Variants in NTM observed in about 807,000 individuals in gnomAD.
NTM encodes the protein IgLON family member 2.
A neutral mutation model predicts 42.1 loss-of-function variants in NTM; 13 were observed. The observed-to-expected ratio is 0.31, with a 90% confidence interval of 0.20 to 0.49. The LOEUF (loss-of-function observed/expected upper bound fraction) is 0.49. NTM is among the 20% of genes least tolerant of loss of function. The pLI is 0.99. For missense variants in NTM, 373 were observed against 452.8 expected (o/e 0.82, Z 1.60); for synonymous variants, 187 against 179.2 (o/e 1.04, Z -0.35).
At chr11:132,086,394 A>AT (rs1566122138) in intron 2 of NTM, among the ~76,000 whole-genome samples, 1 of 152,048 alleles carries the variant, frequency 6.6e-6, no homozygotes, top group Non-Finnish European at 1.5e-5. Context: ...GGAAAAAAAA[A>AT]CTTTTCTCCA....
chr11:131,921,220 T>A (rs980480552), intron 2 of NTM, among the ~76,000 whole-genome samples: 7 of 152,168 alleles, frequency 4.6e-5, no homozygotes, highest in African/African-American at 1.7e-4. Context: ...TTGCTACAGA[T>A]GTAATTAGCT....
At chr11:131,930,784 G>T (rs1400420881) in intron 2 of NTM, among the ~76,000 whole-genome samples, 1 of 152,126 alleles carries the variant, frequency 6.6e-6, no homozygotes, top group African/African-American at 2.4e-5. Context: ...CAAATAGAAA[G>T]AAATTTTATG....
chr11:132,111,063 CAAAAAAAAAAAAAAAAAAAAAAAAAAA>C (rs57458373), intron 2 of NTM, among the ~76,000 whole-genome samples: 1,080 of 35,460 alleles, frequency 0.03, 17 homozygotes, highest in Non-Finnish European at 0.04. Flanking sequence ...GGCCCTATCT[CAAAAAAAAAAAAAAAAAAAAAAAAAAA>C]AAAAAAAAAA....
intron 1 of NTM, among the ~76,000 whole-genome samples, chr11:131,777,994 T>C (rs951089172): frequency 1.3e-5 from 2 of 152,220 alleles, no homozygotes; most frequent in African/African-American, 4.8e-5. Context: ...GGAAAGTAAC[T>C]ATCCCAAGGG....
At chr11:132,181,511 G>T (rs923552097) in intron 3 of NTM, among the ~76,000 whole-genome samples, 4 of 152,126 alleles carry the variant, frequency 2.6e-5, no homozygotes, top group Non-Finnish European at 5.9e-5. Flanking sequence ...CCAGGTTTTT[G>T]GTTTCAATCA....
intron 2 of NTM, among the ~76,000 whole-genome samples, chr11:131,915,049 A>T (rs1380275685): frequency 6.6e-6 from 1 of 152,220 alleles, no homozygotes; most frequent in Non-Finnish European, 1.5e-5. Context: ...CGTTAATAAG[A>T]TACATAGTAC....
At position 132,206,039 on chromosome 11, in the gene NTM, C is replaced by T. The variant is rs115416590; in HGVS notation, c.401-5983C>T. ...GTTGTCCTCCTAGCAACCATTTGTG[C>T]ATTTTTCCTGGGCATGGCTCTCCAA... is the stretch of plus-strand genomic sequence containing the variant. On this transcript the variant is annotated intron_variant, in intron 3 of 8. Coordinates refer to ENST00000683400, the MANE Select transcript of NTM (RefSeq NM_001352005.2). Among the ~76,000 whole-genome samples the T allele has an allele frequency of 7.7e-3, 1,176 of 152,194 alleles. 10 individuals are homozygous for T. The highest frequency in any genetic ancestry group is 0.026 in the African/African-American group (1,084 of 41,512).
chr11:131,648,042 G>A lies in NTM; in HGVS notation c.83-263522G>A, dbSNP rs1323723985. On this transcript the variant is annotated intron_variant, in intron 1 of 8. Transcript: ENST00000683400. ...TCTCCTGATAGGTCCCAGTGTCTGT[G>A]GTTCCCTTCTTTGTGTCCATGTGTT... 6.6e-5 allele frequency among the ~76,000 whole-genome samples: 10 copies of A among 152,066 alleles called. 1 individual carries two copies. The highest frequency in any genetic ancestry group is 6.6e-4 in the Admixed American group (10 of 15,264).
chr11:131,789,772 C>A lies in NTM; in HGVS notation c.83-121792C>A, dbSNP rs532121361. On this transcript the variant is annotated intron_variant, in intron 1 of 8. Transcript: ENST00000683400. ...GAGATCAAGACCATCCTGGCTAACACGGTGAAACCCCGTCTCTACTAAAAA... is the reference window on the plus strand; with the variant it reads ...GAGATCAAGACCATCCTGGCTAACAAGGTGAAACCCCGTCTCTACTAAAAA... Among the ~76,000 whole-genome samples, 332 of 144,914 alleles carry A rather than the reference C, an allele frequency of 2.3e-3. 2 individuals are homozygous for A. The South Asian group carries it at 0.028, about 12-fold the overall frequency.
At chr11:131,419,474 A>G (rs1947286619) in intron 1 of NTM, among the ~76,000 whole-genome samples, 1 of 152,178 alleles carries the variant, frequency 6.6e-6, no homozygotes, top group South Asian at 2.1e-4. Context: ...CCTGAAGGAT[A>G]AGAAGGGACC....
chr11:132,197,949 C>T (rs2080533682), intron 3 of NTM, among the ~76,000 whole-genome samples: 1 of 152,050 alleles, frequency 6.6e-6, no homozygotes, highest in Admixed American at 6.6e-5. Context: ...AGTAGTGCCA[C>T]AGTAAACATA....
chr11:131,804,173 T>C (rs1217612522), intron 1 of NTM, among the ~76,000 whole-genome samples: 1 of 152,154 alleles, frequency 6.6e-6, no homozygotes, highest in African/African-American at 2.4e-5. Flanking sequence ...GAACAAACAA[T>C]TAGTTAATCA....
intron 2 of NTM, among the ~76,000 whole-genome samples, chr11:132,068,699 T>C (rs1424504986): frequency 6.6e-6 from 1 of 152,190 alleles, no homozygotes; most frequent in Non-Finnish European, 1.5e-5. Flanking sequence ...GTAAGAGACA[T>C]CAAAAGGGGT....
At chr11:131,950,735 A>C (rs1334482906) in intron 2 of NTM, among the ~76,000 whole-genome samples, 1 of 152,170 alleles carries the variant, frequency 6.6e-6, no homozygotes, top group East Asian at 1.9e-4. Context: ...CATGCTCCGT[A>C]ACTATAGACT....
At chr11:131,906,698 C>T (rs577783298) in intron 1 of NTM, among the ~76,000 whole-genome samples, 2 of 152,170 alleles carry the variant, frequency 1.3e-5, no homozygotes, top group Admixed American at 6.5e-5. Flanking sequence ...TATCCACCAT[C>T]GCTCTGCTTT....
chr11:132,270,458 A>T (rs1257399125), intron 4 of NTM, among the ~76,000 whole-genome samples: 2 of 152,026 alleles, frequency 1.3e-5, no homozygotes, highest in Non-Finnish European at 2.9e-5. Context: ...TGAACTCCTG[A>T]CCTCAAGTGA....
chr11:131,606,395 A>G (rs1441735354), intron 1 of NTM, among the ~76,000 whole-genome samples: 1 of 152,198 alleles, frequency 6.6e-6, no homozygotes, highest in Non-Finnish European at 1.5e-5. Context: ...TTCCTGGAAT[A>G]TAACAGTTGA....
At chr11:132,050,610 C>CTTCTCAGATCT (rs2078720117) in intron 2 of NTM, among the ~76,000 whole-genome samples, 1 of 152,088 alleles carries the variant, frequency 6.6e-6, no homozygotes, top group South Asian at 2.1e-4. Context: ...AGGAGAGGTG[C>CTTCTCAGATCT]GTGCTCTGAG....
intron 1 of NTM, among the ~76,000 whole-genome samples, chr11:131,710,731 G>A (rs543084379): frequency 1.1e-4 from 16 of 152,246 alleles, no homozygotes; most frequent in African/African-American, 2.4e-4. Context: ...CAGAGTCTGC[G>A]GTTTGCAAGC....
Sources: gnomAD v4.1 joint callset for allele counts (sites outside exome capture counted in the v4.1 genomes callset) on GRCh38, gnomAD v4.1.1 for gene constraint, MANE v1.5 for transcripts, NCBI Gene and HGNC (gene_info 2026-07-23, HGNC 2026-07-21) for gene names.